The following MAD1L1 variants were observed in gnomAD, a reference collection of about 807,000 sequenced individuals.
MAD1L1 encodes mitotic spindle assembly checkpoint protein MAD1.
Under a neutral mutation model 96.9 loss-of-function variants are expected in MAD1L1, and 95 were observed. The ratio of observed to expected loss-of-function variants is 0.98; its 90% CI spans 0.83 to 1.16. MAD1L1 has a LOEUF of 1.16. MAD1L1 is among the 50% of genes most tolerant of loss of function. The probability of loss-of-function intolerance (pLI) is 0.00; values close to 1 mark genes in which losing one functional copy is unlikely to be tolerated. For missense variants in MAD1L1, 1,007 were observed against 954.4 expected, an observed-to-expected ratio of 1.06 and a Z score of -0.73; for synonymous variants, 473 against 396.6, an observed-to-expected ratio of 1.19 and a Z score of -2.29.
chr7:1,832,630 T>TTTTGGGGGG (rs56664541), intron 18 of MAD1L1, among the ~76,000 whole-genome samples: 1 of 2,346 alleles, frequency 4.3e-4, no homozygotes, highest in African/African-American at 1.8e-3. Context: ...TTTTTTTTTT[T>TTTTGGGGGG]GGCGGGGGGG....
chr7:1,982,629 TATC>T (rs1780957416), intron 14 of MAD1L1, among the ~76,000 whole-genome samples: 1 of 152,260 alleles, frequency 6.6e-6, no homozygotes, highest in Non-Finnish European at 1.5e-5. Flanking sequence ...CACATAATCT[TATC>T]AGCAGCAAAG....
chr7:2,031,439 T>C (rs558865880), intron 12 of MAD1L1, among the ~76,000 whole-genome samples: 6 of 152,310 alleles, frequency 3.9e-5, no homozygotes, highest in South Asian at 4.1e-4. Context: ...ACAACACCTA[T>C]TGTAGGAAGG....
At chr7:2,160,329 A>ATTT (rs58004689) in intron 10 of MAD1L1, among the ~76,000 whole-genome samples, 2 of 109,716 alleles carry the variant, frequency 1.8e-5, no homozygotes, top group Non-Finnish European at 3.6e-5. Flanking sequence ...ACTGGATCCT[A>ATTT]TTTTTTTTTT....
At position 2,157,401 on chromosome 7, in the gene MAD1L1, CG is replaced by C. The variant is rs1359451963; in HGVS notation, c.987-8164del. Among the ~76,000 whole-genome samples the C allele has an allele frequency of 2.6e-5, 4 of 152,248 alleles. No homozygotes were observed. In the East Asian group the frequency reaches 7.7e-4, roughly 29 times the overall value. ...ACCATGCAAGTCCACACCTCACATG[CG>C]TAAGAACCCGCAAAAACTAAGAGAC... On this transcript the variant is annotated intron_variant, in intron 10 of 18. Transcript: ENST00000265854.
intron 14 of MAD1L1, among the ~76,000 whole-genome samples, chr7:1,992,151 C>G: frequency 6.7e-6 from 1 of 150,138 alleles, no homozygotes; most frequent in African/African-American, 2.5e-5. Flanking sequence ...GCACCTGCCC[C>G]ACCAGAGCGC....
chr7:2,024,179 T>C (rs1056779581), intron 12 of MAD1L1, among the ~76,000 whole-genome samples: 3 of 151,420 alleles, frequency 2.0e-5, no homozygotes, highest in East Asian at 3.9e-4. Context: ...CCATCACTAC[T>C]AATCCTATAG....
chr7:2,130,409 G>A (rs971772151), intron 11 of MAD1L1, among the ~76,000 whole-genome samples: 11 of 152,198 alleles, frequency 7.2e-5, no homozygotes, highest in East Asian at 3.8e-4. Context: ...TGAACAGACC[G>A]AGAAATTTGG....
chr7:2,189,816 T>A (rs1287851637), intron 10 of MAD1L1, among the ~76,000 whole-genome samples: 1 of 152,136 alleles, frequency 6.6e-6, no homozygotes, highest in Non-Finnish European at 1.5e-5. Context: ...TTTGACCCAA[T>A]ACAACAAATC....
intron 4 of MAD1L1, among the ~76,000 whole-genome samples, chr7:2,225,071 T>A (rs550647820): frequency 6.6e-6 from 1 of 152,282 alleles, no homozygotes; most frequent in South Asian, 2.1e-4. Context: ...ACAGCAAGTG[T>A]TCCCATTTCA....
intron 3 of MAD1L1, among the ~76,000 whole-genome samples, chr7:2,228,076 G>A (rs1793999907): frequency 6.6e-6 from 1 of 152,084 alleles, no homozygotes; most frequent in African/African-American, 2.4e-5. Flanking sequence ...AGGGGCCAGG[G>A]ACCAAGGCTG....
rs752465013 is a variant in MAD1L1 at position 2,114,962 on chromosome 7, G to A, written c.1073+34190C>T. On this transcript the variant is annotated intron_variant, in intron 11 of 18. Transcript: ENST00000265854. The surrounding 1 kb of genome is among the most constrained non-coding windows in gnomAD (Gnocchi z 4.2). ...TGCAGCAGCAGGGAACCTTCCGGAA[G>A]AATCTGTTCCCAGGGTAGAAACAGT... Among the ~76,000 whole-genome samples the A allele has an allele frequency of 6.6e-6, 1 of 152,264 alleles. No homozygotes were observed. The highest frequency in any genetic ancestry group is 2.4e-5 in the African/African-American group (1 of 41,466).
At chr7:2,064,875 G>A (rs751617160) in intron 12 of MAD1L1, among the ~76,000 whole-genome samples, 41 of 152,026 alleles carry the variant, frequency 2.7e-4, no homozygotes, top group Admixed American at 2.4e-3. Flanking sequence ...AAAGGATGGC[G>A]GCTTCTCCAG....
At chr7:1,836,573 G>C (rs1327885198) in intron 18 of MAD1L1, among the ~76,000 whole-genome samples, 1 of 152,180 alleles carries the variant, frequency 6.6e-6, no homozygotes, top group Non-Finnish European at 1.5e-5. Context: ...CTGAAAATGA[G>C]AACACATTGC....
chr7:2,093,910 G>A (rs1786343342), intron 11 of MAD1L1, among the ~76,000 whole-genome samples: 1 of 152,220 alleles, frequency 6.6e-6, no homozygotes, highest in Admixed American at 6.5e-5. Context: ...CAGGTCGGCA[G>A]TCGGAACCCC....
At chr7:1,973,597 G>A (rs886917572) in intron 15 of MAD1L1, among the ~76,000 whole-genome samples, 1 of 152,188 alleles carries the variant, frequency 6.6e-6, no homozygotes. Flanking sequence ...CACACACGAG[G>A]ACCACAGACA....
Position 2,088,563 on chromosome 7 carries a change from G to A in MAD1L1, c.1074-19225C>T, listed in dbSNP as rs1786047586. 6.6e-6 allele frequency among the ~76,000 whole-genome samples: 1 copy of A among 152,208 alleles called. No homozygotes were observed. Among genetic ancestry groups the A allele is most frequent in the African/African-American group, 2.4e-5 (1 of 41,450 alleles). Reference sequence around the variant, plus strand: ...ACGTGCACATCCATCTCCCTGGGAGGCCGGGGAGATCAGGACGGTGTGGCA... The same window carrying A: ...ACGTGCACATCCATCTCCCTGGGAGACCGGGGAGATCAGGACGGTGTGGCA... On this transcript the variant is annotated intron_variant, in intron 11 of 18. Coordinates refer to ENST00000265854, the MANE Select transcript of MAD1L1 (RefSeq NM_001013836.2). The surrounding 1 kb of genome is among the most constrained non-coding windows in gnomAD (Gnocchi z 4.4).
At chr7:1,981,990 A>G (rs1364661266) in intron 14 of MAD1L1, among the ~76,000 whole-genome samples, 3 of 152,020 alleles carry the variant, frequency 2.0e-5, no homozygotes, top group African/African-American at 4.8e-5. Context: ...CCTGTCCCCA[A>G]CTTCCAACCC....
chr7:2,079,082 T>G (rs1019341908), intron 11 of MAD1L1, among the ~76,000 whole-genome samples: 1 of 152,198 alleles, frequency 6.6e-6, no homozygotes, highest in Non-Finnish European at 1.5e-5. Flanking sequence ...AATGCCTCGC[T>G]GAAGACTCGG....
chr7:2,117,723 A>T (rs1043506784), intron 11 of MAD1L1, among the ~76,000 whole-genome samples: 1 of 151,986 alleles, frequency 6.6e-6, no homozygotes, highest in East Asian at 1.9e-4. Context: ...AGTTAATTAA[A>T]CCTTTTTCCT....
Sources: gnomAD v4.1 joint callset for allele counts (sites outside exome capture counted in the v4.1 genomes callset) on GRCh38, gnomAD v4.1.1 for gene constraint, Gnocchi (gnomAD v3.1) non-coding constraint, MANE v1.5 for transcripts, NCBI Gene and HGNC (gene_info 2026-07-23, HGNC 2026-07-21) for gene names.